The following BEND5 variants were observed in gnomAD, a reference collection of about 807,000 sequenced individuals.
BEND5 encodes BEN domain containing 5, also known as BEN domain-containing protein 5.
A neutral mutation model predicts 43.9 loss-of-function variants in BEND5; 22 were observed. The ratio of observed to expected loss-of-function variants is 0.50; its 90% CI spans 0.36 to 0.72. The LOEUF (loss-of-function observed/expected upper bound fraction) is 0.72, where lower values mean the gene tolerates loss of function less well. Among genes scored for constraint, BEND5 ranks in the 30% least tolerant of loss-of-function variants. The probability of loss-of-function intolerance (pLI) is 0.00; values close to 1 mark genes in which losing one functional copy is unlikely to be tolerated. For missense variants in BEND5, 428 were observed against 550.6 expected, an observed-to-expected ratio of 0.78 and a Z score of 2.23; for synonymous variants, 228 against 225.9, an observed-to-expected ratio of 1.01 and a Z score of -0.08.
Position 48,759,408 on chromosome 1 carries a change from C to G in BEND5, c.361-124G>C. The G allele has an allele frequency of 5.0e-6, 7 of 1,410,784 alleles. No homozygotes were observed. In the South Asian group the frequency reaches 8.9e-5, roughly 18 times the overall value. The allele number at this position is 1,410,784 out of a possible 1,614,324, so 87.4% of individuals were successfully genotyped here. A position where few individuals can be genotyped will look rare whatever the true frequency, so the allele number is the denominator to read the frequency against. On this transcript the variant is annotated intron_variant, in intron 2 of 5. Coordinates refer to ENST00000371833, the MANE Select transcript of BEND5 (RefSeq NM_024603.4). ...ACAGAACATCAGTGCTTGGAGAAACCTGTGCAAACACTTAGTCAAAGCCCT... is the reference window on the plus strand; with the variant it reads ...ACAGAACATCAGTGCTTGGAGAAACGTGTGCAAACACTTAGTCAAAGCCCT...
At chr1:48,768,325 CT>C (rs1417193733) in intron 1 of BEND5, among the ~76,000 whole-genome samples, 1 of 152,112 alleles carries the variant, frequency 6.6e-6, no homozygotes, top group African/African-American at 2.4e-5. Flanking sequence ...AACTACAAGG[CT>C]TATGGAAGCC....
intron 3 of BEND5, among the ~76,000 whole-genome samples, chr1:48,749,948 G>A (rs902955132): frequency 6.6e-6 from 1 of 152,160 alleles, no homozygotes; most frequent in Non-Finnish European, 1.5e-5. Context: ...TAAGTGGGGT[G>A]GGCAGCATAA....
chr1:48,733,705 G>A (rs1479642270), intron 5 of BEND5, among the ~76,000 whole-genome samples: 2 of 152,198 alleles, frequency 1.3e-5, no homozygotes, highest in East Asian at 3.9e-4. Context: ...TACGAGGTAA[G>A]ATGATTTCAG....
At chr1:48,767,119 G>A (rs1033004693) in intron 1 of BEND5, among the ~76,000 whole-genome samples, 3 of 152,180 alleles carry the variant, frequency 2.0e-5, no homozygotes, top group African/African-American at 7.2e-5. Context: ...GGGTGGCCCA[G>A]TATCTAGCAA....
intron 4 of BEND5, among the ~76,000 whole-genome samples, chr1:48,740,256 G>A (rs1027607160): frequency 6.6e-6 from 1 of 152,158 alleles, no homozygotes. Flanking sequence ...GTCACCTGGA[G>A]CAATGTTCAG....
chr1:48,735,388 G>A (rs1648862145), intron 5 of BEND5, among the ~76,000 whole-genome samples: 1 of 151,934 alleles, frequency 6.6e-6, no homozygotes, highest in Non-Finnish European at 1.5e-5. Flanking sequence ...GATGGATGGA[G>A]GGAGGGTGGG....
At chr1:48,758,688 T>G (rs758266067) in intron 3 of BEND5, among the ~76,000 whole-genome samples, 14 of 152,334 alleles carry the variant, frequency 9.2e-5, no homozygotes, top group Admixed American at 2.6e-4. Flanking sequence ...TCGCCAATGT[T>G]CCCATAGCTG....
Position 48,759,253 on chromosome 1 carries a change from G to A in BEND5, c.392C>T (p.Ala131Val), listed in dbSNP as rs962471023. The A allele has an allele frequency of 8.3e-6, 13 of 1,574,992 alleles. No homozygotes were observed. The highest frequency in any genetic ancestry group is 2.7e-5 in the African/African-American group (2 of 74,008). ...CACCACTGCCTCGATGCTCTTGTGC[G>A]CCACTTCGCTCGGCTTCCGCCCCTC... is the stretch of plus-strand genomic sequence containing the variant. ...RPEGRKPSEVAHKSIEAVVAR... is the reference protein window; with the variant it reads ...RPEGRKPSEVVHKSIEAVVAR... The change falls in exon 3 of 6, where the codon GCG (alanine) becomes GTG (valine). Residue 131 changes from alanine (A) to valine (V), a missense_variant. Ala to Val is a moderately conservative substitution (Grantham distance 64). Transcript: ENST00000371833.
intron 3 of BEND5, among the ~76,000 whole-genome samples, chr1:48,747,162 T>C (rs995627336): frequency 6.6e-6 from 1 of 152,232 alleles, no homozygotes; most frequent in Non-Finnish European, 1.5e-5. Context: ...AGCACTTGCG[T>C]TAAGAGACAG....
Position 48,742,661 on chromosome 1 carries a change from C to A in BEND5, c.856G>T (p.Ala286Ser). 1 of 1,608,364 alleles carries A rather than the reference C, an allele frequency of 6.2e-7. No individual in the cohort carries two copies. The highest frequency in any genetic ancestry group is 8.5e-7 in the Non-Finnish European group (1 of 1,176,990). ...AGGATATACTTGTCCATGACAGGCG[C>A]AGGAGCGGGGTAATAGGACGACGTA... is the stretch of plus-strand genomic sequence containing the variant. ...ANTSSYYPAP[A>S]PVMDKYILDN... The change falls in exon 4 of 6, where the codon GCG (alanine) becomes TCG (serine). Residue 286 changes from alanine (A) to serine (S), a missense_variant. This residue lies in a region of BEND5 where 243 missense variants were observed against 286.4 expected (regional missense o/e 0.85). Coordinates refer to ENST00000371833, the MANE Select transcript of BEND5 (RefSeq NM_024603.4).
chr1:48,731,826 TTA>T (rs1433418918), intron 5 of BEND5, among the ~76,000 whole-genome samples: 1 of 152,176 alleles, frequency 6.6e-6, no homozygotes, highest in Non-Finnish European at 1.5e-5. Context: ...TATGGCATGT[TTA>T]GAAGCTTACC....
intron 5 of BEND5, among the ~76,000 whole-genome samples, chr1:48,732,416 T>C (rs1570396520): frequency 6.6e-6 from 1 of 152,310 alleles, no homozygotes; most frequent in East Asian, 1.9e-4. Flanking sequence ...AGGCTAGCCC[T>C]GAACAAGATG....
chr1:48,745,221 G>A (rs907613754), intron 3 of BEND5, among the ~76,000 whole-genome samples: 2 of 152,192 alleles, frequency 1.3e-5, no homozygotes, highest in Non-Finnish European at 2.9e-5. Flanking sequence ...GAAAGATTCT[G>A]AAGTAAAGTC....
intron 1 of BEND5, among the ~76,000 whole-genome samples, chr1:48,766,491 C>G (rs1352695002): frequency 6.6e-6 from 1 of 152,226 alleles, no homozygotes; most frequent in South Asian, 2.1e-4. Context: ...GTCCTCTATC[C>G]TCAGTAAGTC....
chr1:48,730,924 C>T (rs1450731672), intron 5 of BEND5, among the ~76,000 whole-genome samples: 4 of 152,196 alleles, frequency 2.6e-5, no homozygotes, highest in Admixed American at 6.5e-5. Flanking sequence ...TGGAGCTTGT[C>T]ATTAGAGCAA....
intron 1 of BEND5, among the ~76,000 whole-genome samples, chr1:48,763,621 G>T (rs1644387509): frequency 6.6e-6 from 1 of 152,136 alleles, no homozygotes; most frequent in East Asian, 1.9e-4. Flanking sequence ...AGTCTGACAT[G>T]CAGAGCCACC....
At position 48,761,390 on chromosome 1, in the gene BEND5, C is replaced by A; in HGVS notation, c.307G>T (p.Asp103Tyr). 6.4e-7 allele frequency: 1 copy of A among 1,551,896 alleles called. No homozygotes were observed. Residue 103 changes from aspartate (D) to tyrosine (Y), a missense_variant, in exon 2 of 6, where the codon GAT becomes TAT. Around this residue, in one of 4 missense-constraint regions of BEND5, gnomAD observed 243 missense variants for 286.4 expected, o/e 0.85. Transcript: ENST00000371833. The stretch of plus-strand genomic sequence containing the variant: ...TCCCCATAATCTTTAACCTCTCCAT[C>A]TTCTTCTACATGATTAAGAGAAAGC... ...PKLSLNHVEE[D>Y]GEVKDYGEED... is the part of the protein sequence containing the mutation.
chr1:48,754,885 C>G (rs6669205), intron 3 of BEND5, among the ~76,000 whole-genome samples: 20 of 151,346 alleles, frequency 1.3e-4, no homozygotes, highest in African/African-American at 4.8e-4. Flanking sequence ...GAGAGAGGCA[C>G]GCAGGACCAG....
chr1:48,742,912 G>C, intron 3 of BEND5, 141 bp from the exon 4 acceptor site: 1 of 754,844 alleles, frequency 1.3e-6, no homozygotes, highest in Non-Finnish European at 1.9e-6. Flanking sequence ...CTTAAACCCA[G>C]ACTCGAAAAT....
Sources: gnomAD v4.1 joint callset for allele counts (sites outside exome capture counted in the v4.1 genomes callset) on GRCh38, gnomAD v4.1.1 for gene constraint, gnomAD v4.1.1 regional missense constraint, MANE v1.5 for transcripts, NCBI Gene and HGNC (gene_info 2026-07-23, HGNC 2026-07-21) for gene names.